Variants in ANO1 observed in about 807,000 individuals in gnomAD.
ANO1 encodes anoctamin 1.
In ANO1, 59 loss-of-function variants were observed where a neutral mutation model predicts 124.0. The observed-to-expected ratio is 0.48, with a 90% CI of 0.39 to 0.59. ANO1 has a LOEUF of 0.59. Ranked by LOEUF, ANO1 falls within the 20% of genes least tolerant of loss-of-function variation. The pLI is 0.00. For missense variants in ANO1, 1,059 were observed against 1,328.0 expected (o/e 0.80, Z 3.15); for synonymous variants, 529 against 532.0 (o/e 0.99, Z 0.08).
At chr11:70,079,703 C>T (rs866318550) in intron 1 of ANO1, among the ~76,000 whole-genome samples, 19 of 152,348 alleles carry the variant, frequency 1.2e-4, no homozygotes, top group African/African-American at 4.3e-4. Context: ...GGCGTCAGGC[C>T]CAGCAGGGCT....
intron 4 of ANO1, 39 bp downstream of exon 4, chr11:70,104,189 G>C (rs1173662068): frequency 6.3e-7 from 1 of 1,579,574 alleles, no homozygotes; most frequent in African/African-American, 1.4e-5. Context: ...AAAGGGTCCT[G>C]TGTGTGGGGA....
At chr11:70,066,133 G>A (rs887504866) in intron 1 of ANO1, among the ~76,000 whole-genome samples, 4 of 152,204 alleles carry the variant, frequency 2.6e-5, no homozygotes, top group Non-Finnish European at 4.4e-5. Context: ...TAGAAGTGTC[G>A]CTGAATGAAT....
At chr11:70,048,654 C>T (rs1857297822) in intron 1 of ANO1, among the ~76,000 whole-genome samples, 1 of 150,678 alleles carries the variant, frequency 6.6e-6, no homozygotes, top group African/African-American at 2.5e-5. Context: ...TCTTCCCACA[C>T]TTCCCGCCCT....
chr11:70,054,143 C>T (rs561352152), intron 1 of ANO1, among the ~76,000 whole-genome samples: 2 of 152,320 alleles, frequency 1.3e-5, no homozygotes, highest in Admixed American at 6.5e-5. Context: ...GGTCCTCCTC[C>T]TCCTCACCCC....
At chr11:70,185,165 A>AC (rs759493489) in intron 24 of ANO1, among the ~76,000 whole-genome samples, 5 of 150,802 alleles carry the variant, frequency 3.3e-5, no homozygotes, top group Admixed American at 6.6e-5. Flanking sequence ...AGCTTAGGGA[A>AC]CCCCCCCGAC....
intron 20 of ANO1, 131 bp downstream of exon 20, chr11:70,165,701 G>A: frequency 1.3e-6 from 1 of 752,534 alleles, no homozygotes; most frequent in East Asian, 2.7e-5. Flanking sequence ...AGGGAGAGAA[G>A]GAGGACACAG....
At chr11:70,159,440 A>G (rs1262933109) in intron 16 of ANO1, among the ~76,000 whole-genome samples, 1 of 152,222 alleles carries the variant, frequency 6.6e-6, no homozygotes, top group Non-Finnish European at 1.5e-5. Flanking sequence ...TGGATAGGGA[A>G]GTAGCCGGCT....
the ANO1 span, among the ~76,000 whole-genome samples, chr11:69,980,414 A>T: frequency 1.3e-5 from 2 of 151,626 alleles, no homozygotes; most frequent in African/African-American, 2.4e-5. Context: ...ATGAGGTCAG[A>T]TCGAGACCAT....
rs146755061 is a variant in ANO1, at chr11:70,033,857, G to A, written c.59-44685G>A. ...GCTTCGTGGGTATGTGACCTGTACA[G>A]TTGTATAGTTGTATGGGGTCTGTGT... On this transcript the variant is annotated intron_variant, in intron 1 of 27. Transcript: ENST00000531349. 5.0e-3 allele frequency among the ~76,000 whole-genome samples: 769 copies of A among 152,288 alleles called. 6 individuals carry two copies. Among genetic ancestry groups the A allele is most frequent in the African/African-American group, 0.018 (731 of 41,560 alleles).
chr11:70,011,139 G>A (rs555862202), intron 1 of ANO1, among the ~76,000 whole-genome samples: 2 of 152,306 alleles, frequency 1.3e-5, no homozygotes, highest in African/African-American at 4.8e-5. Context: ...CATGCAGAAT[G>A]AGTAGGAGTT....
At chr11:69,991,552 G>T (rs567096887) in intron 1 of ANO1, among the ~76,000 whole-genome samples, 2 of 152,328 alleles carry the variant, frequency 1.3e-5, no homozygotes, top group African/African-American at 4.8e-5. Flanking sequence ...TACCAGTTGT[G>T]AACAGAACCC....
chr11:70,181,331 G>A (rs1295543975), intron 23 of ANO1, among the ~76,000 whole-genome samples: 1 of 152,202 alleles, frequency 6.6e-6, no homozygotes, highest in Non-Finnish European at 1.5e-5. Flanking sequence ...AGAGGGCAGG[G>A]GGTGACACTC....
chr11:70,081,103 G>A (rs530455201), intron 1 of ANO1, among the ~76,000 whole-genome samples: 4 of 152,354 alleles, frequency 2.6e-5, no homozygotes, highest in African/African-American at 7.2e-5. Flanking sequence ...TTCAGGCTGC[G>A]GTTCCCAGCC....
intron 1 of ANO1, among the ~76,000 whole-genome samples, chr11:70,033,114 C>T (rs1857033280): frequency 6.6e-6 from 1 of 152,120 alleles, no homozygotes; most frequent in Admixed American, 6.5e-5. Flanking sequence ...AAGACAAGAG[C>T]TCGGTGATGT....
intron 8 of ANO1, among the ~76,000 whole-genome samples, chr11:70,123,802 C>T (rs1337705769): frequency 6.6e-6 from 1 of 152,174 alleles, no homozygotes; most frequent in South Asian, 2.1e-4. Context: ...AGTCCTAACC[C>T]AGCATCTTCA....
chr11:70,184,947 G>C (rs2049054651), intron 24 of ANO1, among the ~76,000 whole-genome samples: 1 of 152,088 alleles, frequency 6.6e-6, no homozygotes, highest in Non-Finnish European at 1.5e-5. Context: ...GGGTTTTACT[G>C]TGTGGCCCAG....
At chr11:70,055,532 A>G (rs933435612) in intron 1 of ANO1, among the ~76,000 whole-genome samples, 8 of 151,996 alleles carry the variant, frequency 5.3e-5, no homozygotes, top group Non-Finnish European at 4.4e-5. Context: ...GTATTTTTCC[A>G]TCATTTGACT....
intron 10 of ANO1, among the ~76,000 whole-genome samples, chr11:70,128,574 GGGC>G (rs2046617248): frequency 6.6e-6 from 1 of 152,222 alleles, no homozygotes; most frequent in East Asian, 1.9e-4. Context: ...CAGCCGCTGT[GGGC>G]GGAGATGAGG....
chr11:70,086,776 G>T (rs1029552801), intron 1 of ANO1, among the ~76,000 whole-genome samples: 10 of 152,218 alleles, frequency 6.6e-5, no homozygotes, highest in Admixed American at 3.3e-4. Flanking sequence ...CATAGCGGTG[G>T]CCGCTCCTTA....
Sources: allele counts gnomAD v4.1 joint callset (sites outside exome capture counted in the v4.1 genomes callset), GRCh38; gene constraint gnomAD v4.1.1; transcripts MANE v1.5; gene names NCBI Gene and HGNC (gene_info 2026-07-23, HGNC 2026-07-21).